SIRT6: variants seen among roughly 807,000 people sequenced by gnomAD.
The protein encoded by SIRT6 is sirtuin 6.
In SIRT6, 21 loss-of-function variants were observed where a neutral mutation model predicts 33.6. That is an observed-to-expected ratio of 0.62 (90% CI 0.44 to 0.90). SIRT6 has a LOEUF of 0.90. Ranked by LOEUF, SIRT6 falls within the 40% of genes least tolerant of loss-of-function variation. The pLI, the probability that SIRT6 is intolerant of heterozygous loss-of-function variation, is 0.00. For missense variants in SIRT6, 504 were observed against 510.6 expected (o/e 0.99, Z 0.12); for synonymous variants, 221 against 223.9 (o/e 0.99, Z 0.12).
In SIRT6 at chr19:4,179,411, G is replaced by A. The variant is rs1047107556; in HGVS notation, c.195-125C>T. On this transcript the variant is annotated intron_variant, in intron 2 of 7. Coordinates refer to ENST00000337491, the MANE Select transcript of SIRT6 (RefSeq NM_016539.4). ...AAAATCAGGAGACAGAGAGAGACAG[G>A]GAGACAGAGAGAGGGAATCAGAAAC... 2.2e-5 allele frequency: 23 copies of A among 1,048,078 alleles called. 1 individual carries two copies. The highest frequency in any genetic ancestry group is 3.0e-5 in the Non-Finnish European group (22 of 742,132). 64.9% of individuals were successfully genotyped at this position (1,048,078 alleles called of 1,614,324 possible).
At position 4,179,097 on chromosome 19, in the gene SIRT6, G is replaced by A; in HGVS notation, c.377+7C>T. The A allele has an allele frequency of 1.9e-6, 3 of 1,611,244 alleles. No homozygotes were observed. Among genetic ancestry groups the A allele is most frequent in the Non-Finnish European group, 2.5e-6 (3 of 1,179,708 alleles). The stretch of plus-strand genomic sequence containing the variant: ...GCTCTTTTGTGGGGGCGGGGCCAGG[G>A]TGTTACCTGGGGAAGCCTGAGCGCA... On this transcript the variant is annotated splice_region_variant and intron_variant, in intron 3 of 7. Transcript: ENST00000337491.
chr19:4,176,794 G>A (rs956943276), intron 4 of SIRT6, among the ~76,000 whole-genome samples: 1 of 152,138 alleles, frequency 6.6e-6, no homozygotes, highest in African/African-American at 2.4e-5. Context: ...GTTCTACGCT[G>A]CTCATCTGTG....
At position 4,175,894 on chromosome 19, in the gene SIRT6, C is replaced by T. The variant is rs1967273843; in HGVS notation, c.481G>A (p.Ala161Thr). ...DTVVGTMGLK[A>T]TGRLCTVAKA... ...GCCACGGTGCAGAGCCGGCCCGTGG[C>T]CTTCAGGCCCATGGTGCCCACGACT... The change falls in exon 5 of 8, where the codon GCC (alanine) becomes ACC (threonine). Residue 161 changes from alanine (A) to threonine (T), a missense_variant. Ala to Thr is a moderately conservative substitution (Grantham distance 58, BLOSUM62 0). Transcript: ENST00000337491. 1 of 1,569,422 alleles carries T rather than the reference C, an allele frequency of 6.4e-7. No individual in the cohort carries two copies. The highest frequency in any genetic ancestry group is 1.3e-5 in the African/African-American group (1 of 74,272).
At chr19:4,182,320 A>C in intron 1 of SIRT6, 154 bp downstream of exon 1, 1 of 720,448 alleles carries the variant, frequency 1.4e-6, no homozygotes, top group Non-Finnish European at 2.2e-6. Flanking sequence ...CCCGGCGCGC[A>C]GGGGCGTCAC....
intron 3 of SIRT6, among the ~76,000 whole-genome samples, chr19:4,178,795 G>A (rs1320238386): frequency 2.6e-5 from 4 of 152,164 alleles, no homozygotes; most frequent in East Asian, 3.9e-4. Context: ...CGGAGATCAC[G>A]CCATTGCACT....
chr19:4,174,136 T>C lies in SIRT6; in HGVS notation c.*481A>G, dbSNP rs946416985. On this transcript the variant is annotated 3_prime_UTR_variant, in exon 8 of 8. Transcript: ENST00000337491. The surrounding 1 kb of genome is among the most constrained non-coding windows in gnomAD (Gnocchi z 4.2). ...CAAGAAAGAAATTGTTTTTATTGCA[T>C]TGAGGACTTTTCCAGAAGCCTGGTG... The C allele has an allele frequency of 3.9e-5, 6 of 155,602 alleles. No homozygotes were observed. The highest frequency in any genetic ancestry group is 4.2e-5 in the Non-Finnish European group (3 of 70,610). The allele number at this position is 155,602 out of a possible 1,614,324, so 9.6% of individuals were successfully genotyped here.
intron 6 of SIRT6, 127 bp from the exon 7 acceptor site, chr19:4,175,278 C>A (rs925381583): frequency 3.4e-4 from 448 of 1,315,290 alleles, no homozygotes; most frequent in Non-Finnish European, 4.3e-4. Flanking sequence ...GCCCCACTCC[C>A]GAGTCAGCCT....
chr19:4,174,942 C>T lies in SIRT6; in HGVS notation c.743G>A (p.Arg248His), dbSNP rs771661245. The T allele has an allele frequency of 2.5e-6, 4 of 1,608,362 alleles. No homozygotes were observed. The highest frequency in any genetic ancestry group is 2.2e-5 in the East Asian group (1 of 44,848). ...IVNLQPTKHD[R>H]HADLRIHGYV... ...GCCATGGATGCGGAGGTCAGCATGG[C>T]GGTCCTGCCGAGGGGCGGGACGGGT... is the stretch of plus-strand genomic sequence containing the variant. The change falls in exon 8 of 8, where the codon CGC becomes CAC. Residue 248 changes from arginine to histidine, a missense_variant. By Grantham distance (29) the Arg-to-His change is conservative. Coordinates refer to ENST00000337491, the MANE Select transcript of SIRT6 (RefSeq NM_016539.4). The surrounding 1 kb of genome is among the most constrained non-coding windows in gnomAD (Gnocchi z 4.2).
In SIRT6 at chr19:4,174,817, G is replaced by GGGGGGGGGGGGGGGCCCCCCCCCCCCCCC; in HGVS notation, c.867_868insGGGGGGGGGGGGGGGCCCCCCCCCCCCCC (p.Pro290GlyfsTer69). On this transcript the variant is annotated frameshift_variant, in exon 8 of 8. Transcript: ENST00000337491. LOFTEE classifies it low-confidence loss of function (END_TRUNC). The surrounding 1 kb of genome is among the most constrained non-coding windows in gnomAD (Gnocchi z 4.2). ...TCCAGCTTGGGGGTGGGCGGGCGGGGCAGGGGTGGCAGCGCCCTCTCCAGC... is the reference window on the plus strand; with the variant it reads ...TCCAGCTTGGGGGTGGGCGGGCGGGGGGGGGGGGGGGGGGCCCCCCCCCCCCCCCCAGGGGTGGCAGCGCCCTCTCCAGC... The GGGGGGGGGGGGGGGCCCCCCCCCCCCCCC allele has an allele frequency of 2.2e-6, 1 of 447,552 alleles. No homozygotes were observed. Among genetic ancestry groups the GGGGGGGGGGGGGGGCCCCCCCCCCCCCCC allele is most frequent in the East Asian group, 7.3e-5 (1 of 13,686 alleles). The allele number at this position is 447,552 out of a possible 1,614,324, so 27.7% of individuals were successfully genotyped here.
intron 3 of SIRT6, among the ~76,000 whole-genome samples, chr19:4,178,301 A>G (rs1967426501): frequency 6.6e-6 from 1 of 152,046 alleles, no homozygotes; most frequent in Non-Finnish European, 1.5e-5. Context: ...CTGGGATTAC[A>G]GATGTGAGCC....
Position 4,174,739 on chromosome 19 carries a change from T to C in SIRT6, c.946A>G (p.Lys316Glu), listed in dbSNP as rs1967175768. ...RINGSIPAGP[K>E]QEPCAQHNGS... is the part of the protein sequence containing the mutation. Reference sequence around the variant, plus strand: ...TTGTGCTGGGCGCAGGGCTCCTGCTTGGGGCCGGCGGGGATAGAGCCGTTG... The same window carrying C: ...TTGTGCTGGGCGCAGGGCTCCTGCTCGGGGCCGGCGGGGATAGAGCCGTTG... The change falls in exon 8 of 8, where the codon AAG becomes GAG. Residue 316 changes from lysine (K) to glutamate (E), a missense_variant. Coordinates refer to ENST00000337491, the MANE Select transcript of SIRT6 (RefSeq NM_016539.4). This position sits in a 1 kb window ranked among gnomAD's most constrained non-coding sequence, Gnocchi z 4.2. 7.2e-7 allele frequency: 1 copy of C among 1,383,998 alleles called. No individual in the cohort carries two copies. Among genetic ancestry groups the C allele is most frequent in the Non-Finnish European group, 9.4e-7 (1 of 1,061,828 alleles). 85.7% of individuals were successfully genotyped at this position (1,383,998 alleles called of 1,614,324 possible).
At chr19:4,179,410 G>A (rs1334291729) in intron 2 of SIRT6, 124 bp from the exon 3 acceptor site, 2 of 1,046,138 alleles carry the variant, frequency 1.9e-6, no homozygotes, top group African/African-American at 3.2e-5. Flanking sequence ...GAGAGAGACA[G>A]GGAGACAGAG....
In SIRT6 at chr19:4,174,471, C is replaced by T. The variant is rs199630792; in HGVS notation, c.*146G>A. 9 of 698,880 alleles carry T rather than the reference C, an allele frequency of 1.3e-5. No individual in the cohort carries two copies. Among genetic ancestry groups the T allele is most frequent in the East Asian group, 6.4e-5 (2 of 31,114 alleles). 43.3% of individuals were successfully genotyped at this position (698,880 alleles called of 1,614,324 possible). Reference sequence around the variant, plus strand: ...GCCCCTGGAGCCCAGGGAGGGACCACGGAGGGCAGGTGTAACCCCTGGCCT... The same window carrying T: ...GCCCCTGGAGCCCAGGGAGGGACCATGGAGGGCAGGTGTAACCCCTGGCCT... On this transcript the variant is annotated 3_prime_UTR_variant, in exon 8 of 8. Transcript: ENST00000337491. The surrounding 1 kb of genome is among the most constrained non-coding windows in gnomAD (Gnocchi z 4.2).
chr19:4,175,317 G>T, intron 6 of SIRT6, 166 bp from the exon 7 acceptor site: 1 of 931,744 alleles, frequency 1.1e-6, no homozygotes, highest in Non-Finnish European at 1.6e-6. Context: ...CTCCTCTGCG[G>T]TCCGTTGGCG....
chr19:4,175,776 T>C lies in SIRT6; in HGVS notation c.534-16A>G. ...CAGCTCTCCCCTGCAATGAGGAAGC[T>C]GAGGAGAGTCCTCAGGGGCCTCGCA... On this transcript the variant is annotated splice_polypyrimidine_tract_variant and intron_variant, in intron 5 of 7. Coordinates refer to ENST00000337491, the MANE Select transcript of SIRT6 (RefSeq NM_016539.4). 6.4e-7 allele frequency: 1 copy of C among 1,560,832 alleles called. No individual in the cohort carries two copies. The highest frequency in any genetic ancestry group is 8.7e-7 in the Non-Finnish European group (1 of 1,152,036).
chr19:4,180,644 A>G, intron 2 of SIRT6, 138 bp downstream of exon 2: 7 of 1,142,122 alleles, frequency 6.1e-6, no homozygotes, highest in Non-Finnish European at 8.4e-6. Context: ...CAAGGGACAC[A>G]TCTTAAAGGG....
At chr19:4,180,693 T>G (rs7260071) in intron 2 of SIRT6, 89 bp downstream of exon 2, 1,221,664 of 1,498,060 alleles carry the variant, frequency 0.82, 499,841 homozygotes, top group Non-Finnish European at 0.84. Context: ...CAGATGGATG[T>G]GTTCTCATTC....
chr19:4,175,106 C>G lies in SIRT6; in HGVS notation c.660G>C (p.Arg220=). The change falls in exon 7 of 8, where the codon CGG becomes CGC. Residue 220 remains arginine (R), a synonymous_variant. Coordinates refer to ENST00000337491, the MANE Select transcript of SIRT6 (RefSeq NM_016539.4). ...TAGCCAGCGGCAGGTTCCCGCTGGG[C>G]CGGATCTGCAGCGATGTACCCAGCG... ...SITLGTSLQI[R]PSGNLPLATK... is the part of the protein sequence containing the mutation. 1 of 1,585,374 alleles carries G rather than the reference C, an allele frequency of 6.3e-7. No homozygotes were observed. Among genetic ancestry groups the G allele is most frequent in the East Asian group, 2.3e-5 (1 of 43,118 alleles).
Position 4,174,290 on chromosome 19 carries a change from G to A in SIRT6, c.*327C>T, listed in dbSNP as rs1005569357. The stretch of plus-strand genomic sequence containing the variant: ...TGGGCTGTAGGGGGCCCAGAAGGGA[G>A]GCCCTGGGGACAGAGGGAGTTCACT... On this transcript the variant is annotated 3_prime_UTR_variant, in exon 8 of 8. Transcript: ENST00000337491. The surrounding 1 kb of genome is among the most constrained non-coding windows in gnomAD (Gnocchi z 4.2). 2.2e-5 allele frequency: 5 copies of A among 227,940 alleles called. No homozygotes were observed. Among genetic ancestry groups the A allele is most frequent in the Admixed American group, 1.1e-4 (2 of 18,566 alleles). 14.1% of individuals were successfully genotyped at this position (227,940 alleles called of 1,614,324 possible).
Sources: allele counts gnomAD v4.1 joint callset (sites outside exome capture counted in the v4.1 genomes callset), GRCh38; gene constraint gnomAD v4.1.1; non-coding constraint Gnocchi (gnomAD v3.1); transcripts MANE v1.5; gene names NCBI Gene and HGNC (gene_info 2026-07-23, HGNC 2026-07-21).